Variants in CNTNAP5 observed in about 807,000 individuals in gnomAD.
CNTNAP5 encodes contactin associated protein family member 5, also known as contactin-associated protein-like 5.
In CNTNAP5, 72 loss-of-function variants were observed where a neutral mutation model predicts 150.2. That is an observed-to-expected ratio of 0.48 (90% confidence interval 0.40 to 0.58). The LOEUF (loss-of-function observed/expected upper bound fraction) is 0.58. Ranked by LOEUF, CNTNAP5 falls within the 20% of genes least tolerant of loss-of-function variation. The pLI is 0.00. For synonymous variants in CNTNAP5, 672 were observed against 619.8 expected (o/e 1.08, Z -1.25); for missense variants, 1,636 against 1,626.2 (o/e 1.01, Z -0.10).
At chr2:124,451,491 C>T (rs1445585503) in intron 6 of CNTNAP5, among the ~76,000 whole-genome samples, 2 of 151,948 alleles carry the variant, frequency 1.3e-5, no homozygotes, top group African/African-American at 2.4e-5. Flanking sequence ...TGTCATCCTC[C>T]CAAGAACTTT....
At chr2:124,074,656 C>G (rs1184019755) in intron 1 of CNTNAP5, among the ~76,000 whole-genome samples, 2 of 152,076 alleles carry the variant, frequency 1.3e-5, no homozygotes, top group East Asian at 3.9e-4. Context: ...GACTCCTAGA[C>G]AGCACTTACC....
intron 21 of CNTNAP5, among the ~76,000 whole-genome samples, chr2:124,899,665 G>C (rs367854828): frequency 1.3e-4 from 19 of 151,470 alleles, no homozygotes; most frequent in African/African-American, 4.4e-4. Flanking sequence ...GTATTTTTCA[G>C]TGGTGTCGCC....
intron 10 of CNTNAP5, among the ~76,000 whole-genome samples, chr2:124,553,445 A>G (rs1242269390): frequency 6.7e-6 from 1 of 149,832 alleles, no homozygotes; most frequent in Non-Finnish European, 1.5e-5. Flanking sequence ...TGGAGGTTGT[A>G]GTGAGCCGAA....
At chr2:124,752,086 A>G (rs1359600153) in intron 14 of CNTNAP5, among the ~76,000 whole-genome samples, 2 of 152,160 alleles carry the variant, frequency 1.3e-5, no homozygotes, top group East Asian at 1.9e-4. Context: ...GCCAGTCAGT[A>G]AGGATGCTAG....
intron 21 of CNTNAP5, among the ~76,000 whole-genome samples, chr2:124,887,017 GA>G (rs1678095489): frequency 6.6e-6 from 1 of 151,954 alleles, no homozygotes; most frequent in Non-Finnish European, 1.5e-5. Flanking sequence ...TTGGCATAGT[GA>G]AAAAAATATG....
At chr2:124,738,597 G>A (rs1192891669) in intron 13 of CNTNAP5, among the ~76,000 whole-genome samples, 9 of 152,060 alleles carry the variant, frequency 5.9e-5, no homozygotes, top group African/African-American at 1.4e-4. Flanking sequence ...CGGGTGTGGC[G>A]GCACACGCCT....
chr2:124,500,457 G>A (rs545525980), intron 7 of CNTNAP5, among the ~76,000 whole-genome samples: 1 of 152,146 alleles, frequency 6.6e-6, no homozygotes, highest in Admixed American at 6.6e-5. Flanking sequence ...TTACTTAGAG[G>A]TAGGGTACTT....
At chr2:124,568,774 G>A (rs143315211) in intron 11 of CNTNAP5, among the ~76,000 whole-genome samples, 12 of 152,146 alleles carry the variant, frequency 7.9e-5, no homozygotes, top group Admixed American at 3.9e-4. Flanking sequence ...GGCCGGGCGC[G>A]GTGGCTCACG....
At chr2:124,798,393 C>G (rs932031144) in intron 19 of CNTNAP5, 73 bp downstream of exon 19, 6 of 1,092,300 alleles carry the variant, frequency 5.5e-6, no homozygotes, top group Non-Finnish European at 8.3e-6. Context: ...CTCCAGAACT[C>G]TGCATAATTT....
chr2:124,316,295 A>G (rs1174516189), intron 3 of CNTNAP5, among the ~76,000 whole-genome samples: 1 of 152,148 alleles, frequency 6.6e-6, no homozygotes, highest in African/African-American at 2.4e-5. Context: ...CTGGGGTCGG[A>G]GGACCTGAAT....
chr2:124,239,876 A>C (rs1396702239), intron 2 of CNTNAP5, among the ~76,000 whole-genome samples: 1 of 152,134 alleles, frequency 6.6e-6, no homozygotes, highest in Admixed American at 6.6e-5. Context: ...GGAATTGTGA[A>C]TATGTTGAGG....
intron 8 of CNTNAP5, among the ~76,000 whole-genome samples, chr2:124,510,313 C>CTATATATATATATCTATATATCTATCTA (rs1694542064): frequency 1.8e-5 from 1 of 54,280 alleles, no homozygotes; most frequent in African/African-American, 6.7e-5. Context: ...ATATATATAT[C>CTATATATATATATCTATATATCTATCTA]TATATATCTA....
chr2:124,776,163 CTT>C (rs1258280396), intron 17 of CNTNAP5, among the ~76,000 whole-genome samples: 1 of 152,142 alleles, frequency 6.6e-6, no homozygotes, highest in Non-Finnish European at 1.5e-5. Flanking sequence ...TCCCTCCAAA[CTT>C]AACGCAAGAT....
intron 23 of CNTNAP5, 79 bp from the exon 24 acceptor site, chr2:124,914,013 T>C: frequency 9.9e-7 from 1 of 1,008,658 alleles, no homozygotes; most frequent in Middle Eastern, 2.3e-4. Flanking sequence ...CGCATTCCCC[T>C]CATCTGGAGG....
intron 1 of CNTNAP5, among the ~76,000 whole-genome samples, chr2:124,078,725 T>A (rs1329366985): frequency 6.6e-6 from 1 of 152,208 alleles, no homozygotes; most frequent in Non-Finnish European, 1.5e-5. Flanking sequence ...GCTATTCTGA[T>A]AGCAAACATT....
chr2:124,271,882 T>C (rs1248378865), intron 3 of CNTNAP5, among the ~76,000 whole-genome samples: 1 of 151,944 alleles, frequency 6.6e-6, no homozygotes, highest in African/African-American at 2.4e-5. Context: ...TCCCAGCTAA[T>C]TTTTGTGTTT....
At chr2:124,303,355 T>G (rs1269536401) in intron 3 of CNTNAP5, among the ~76,000 whole-genome samples, 1 of 152,132 alleles carries the variant, frequency 6.6e-6, no homozygotes, top group Non-Finnish European at 1.5e-5. Context: ...AATGGTGAGT[T>G]TCAAAAATAG....
intron 19 of CNTNAP5, among the ~76,000 whole-genome samples, chr2:124,810,781 G>A (rs541563573): frequency 6.6e-6 from 1 of 151,936 alleles, no homozygotes; most frequent in South Asian, 2.1e-4. Flanking sequence ...GCATGCTATT[G>A]CCCTCCCAGA....
intron 14 of CNTNAP5, among the ~76,000 whole-genome samples, chr2:124,762,920 G>T (rs1193388546): frequency 6.6e-6 from 1 of 151,992 alleles, no homozygotes; most frequent in African/African-American, 2.4e-5. Context: ...GTTTATTTCT[G>T]CTCAAAACCA....
Sources: allele counts gnomAD v4.1 joint callset (sites outside exome capture counted in the v4.1 genomes callset), GRCh38; gene constraint gnomAD v4.1.1; transcripts MANE v1.5; gene names NCBI Gene and HGNC (gene_info 2026-07-23, HGNC 2026-07-21).